MEGF11: variants seen among roughly 807,000 people sequenced by gnomAD.
The protein encoded by MEGF11 is multiple EGF like domains 11.
Under a neutral mutation model 146.6 loss-of-function variants are expected in MEGF11, and 126 were observed. The observed-to-expected ratio is 0.86, with a 90% confidence interval of 0.74 to 1.00. The LOEUF is 1.00. Ranked by LOEUF, MEGF11 falls within the 50% of genes least tolerant of loss-of-function variation. The pLI is 0.00. For missense variants in MEGF11, 1,509 were observed against 1,521.2 expected, an observed-to-expected ratio of 0.99 and a Z score of 0.13; for synonymous variants, 532 against 583.4, an observed-to-expected ratio of 0.91 and a Z score of 1.27.
At chr15:66,017,234 A>G (rs781217251) in intron 5 of MEGF11, among the ~76,000 whole-genome samples, 4 of 152,234 alleles carry the variant, frequency 2.6e-5, no homozygotes, top group African/African-American at 4.8e-5. Flanking sequence ...AGAGATGGTC[A>G]GGATGACAGG....
chr15:66,057,104 A>T (rs886299462), intron 5 of MEGF11, among the ~76,000 whole-genome samples: 1 of 152,202 alleles, frequency 6.6e-6, no homozygotes, highest in Admixed American at 6.5e-5. Flanking sequence ...CCTTCATGGG[A>T]GAGAACATCA....
chr15:66,180,377 C>G (rs940491487), intron 1 of MEGF11, among the ~76,000 whole-genome samples: 1 of 152,188 alleles, frequency 6.6e-6, no homozygotes, highest in African/African-American at 2.4e-5. Context: ...CTCCACGTCC[C>G]TTCTCAGGGA....
At chr15:66,023,151 A>AAAAAAAC (rs768042311) in intron 5 of MEGF11, among the ~76,000 whole-genome samples, 1 of 150,116 alleles carries the variant, frequency 6.7e-6, no homozygotes, top group Non-Finnish European at 1.5e-5. Flanking sequence ...AAAAAAAAAA[A>AAAAAAAC]AAAACAAACT....
intron 4 of MEGF11, among the ~76,000 whole-genome samples, chr15:66,098,813 G>A (rs929976603): frequency 2.6e-5 from 4 of 152,224 alleles, no homozygotes; most frequent in Admixed American, 2.6e-4. Flanking sequence ...AGGTCACACG[G>A]CATGTGTGTA....
At chr15:66,127,945 G>T (rs972676853) in intron 2 of MEGF11, among the ~76,000 whole-genome samples, 1 of 152,222 alleles carries the variant, frequency 6.6e-6, no homozygotes, top group African/African-American at 2.4e-5. Context: ...GCATCAGAGA[G>T]CATGCCACCT....
intron 1 of MEGF11, among the ~76,000 whole-genome samples, chr15:66,172,375 C>T (rs963706128): frequency 3.7e-4 from 56 of 151,946 alleles, no homozygotes; most frequent in African/African-American, 1.3e-3. Context: ...CTGCCTGCTC[C>T]GTGGCCTGGT....
chr15:65,995,417 C>T (rs996072312), intron 5 of MEGF11, among the ~76,000 whole-genome samples: 2 of 152,216 alleles, frequency 1.3e-5, no homozygotes, highest in Non-Finnish European at 2.9e-5. Context: ...ATACTCTGCT[C>T]AATGAGAGGA....
intron 5 of MEGF11, among the ~76,000 whole-genome samples, chr15:66,010,513 A>T (rs2082678669): frequency 6.6e-6 from 1 of 152,130 alleles, no homozygotes; most frequent in South Asian, 2.1e-4. Flanking sequence ...ATGTTTTAAG[A>T]AGGTATATGA....
chr15:65,909,150 G>A lies in MEGF11; in HGVS notation c.2897-15C>T. The A allele has an allele frequency of 6.7e-7, 1 of 1,492,012 alleles. No homozygotes were observed. The highest frequency in any genetic ancestry group is 1.2e-5 in the South Asian group (1 of 83,132). The allele number at this position is 1,492,012 out of a possible 1,614,324, so 92.4% of individuals were successfully genotyped here. On this transcript the variant is annotated splice_polypyrimidine_tract_variant and intron_variant, in intron 22 of 25. Transcript: ENST00000395614. ...GAAATGGGAGTCTAGTGAGAGGAAT[G>A]ACAGGGAGGAGCCATTATTCCCAGG...
intron 4 of MEGF11, among the ~76,000 whole-genome samples, chr15:66,118,690 T>C (rs904925813): frequency 6.6e-6 from 1 of 152,150 alleles, no homozygotes; most frequent in Admixed American, 6.5e-5. Flanking sequence ...TCCATCTACA[T>C]ACCCATCCAT....
At chr15:65,942,705 G>A (rs555457178) in intron 10 of MEGF11, among the ~76,000 whole-genome samples, 2 of 152,202 alleles carry the variant, frequency 1.3e-5, no homozygotes, top group African/African-American at 4.8e-5. Flanking sequence ...CCCTGGCGCT[G>A]AGCCCTGTCC....
At chr15:65,956,762 C>T (rs554915963) in intron 10 of MEGF11, among the ~76,000 whole-genome samples, 18 of 152,304 alleles carry the variant, frequency 1.2e-4, no homozygotes, top group African/African-American at 4.3e-4. Flanking sequence ...TGTAAACAAA[C>T]ATAGGGAAGA....
chr15:66,118,937 A>C, intron 4 of MEGF11, 149 bp downstream of exon 4: 1 of 614,320 alleles, frequency 1.6e-6, no homozygotes, highest in Non-Finnish European at 2.9e-6. Flanking sequence ...CCTTCTGAGC[A>C]CTGGCAGCAG....
At chr15:65,987,071 C>T (rs904351947) in intron 5 of MEGF11, among the ~76,000 whole-genome samples, 4 of 152,148 alleles carry the variant, frequency 2.6e-5, no homozygotes, top group Admixed American at 2.6e-4. Context: ...CTGACTGCTT[C>T]AGACTTTGGG....
intron 5 of MEGF11, among the ~76,000 whole-genome samples, chr15:66,026,229 G>C (rs946819792): frequency 5.3e-5 from 8 of 152,222 alleles, no homozygotes; most frequent in Non-Finnish European, 1.0e-4. Context: ...GGGAGGTCTT[G>C]TTAAAATGCA....
At chr15:65,931,044 C>T in intron 10 of MEGF11, 101 bp from the exon 11 acceptor site, 3 of 1,329,392 alleles carry the variant, frequency 2.3e-6, no homozygotes, top group Non-Finnish European at 3.0e-6. Flanking sequence ...ATGTCCATGT[C>T]CTAATCCCTG....
chr15:66,100,383 G>A (rs1337974385), intron 4 of MEGF11, among the ~76,000 whole-genome samples: 1 of 152,178 alleles, frequency 6.6e-6, no homozygotes, highest in Non-Finnish European at 1.5e-5. Flanking sequence ...CCCATAGAGA[G>A]CTGTCCAAAG....
chr15:66,239,026 C>T (rs8039508), intron 1 of MEGF11, among the ~76,000 whole-genome samples: 65,469 of 152,108 alleles, frequency 0.43, 14,232 homozygotes, highest in Middle Eastern at 0.5. Flanking sequence ...TAAACATTGA[C>T]TGAATGAGTA....
intron 1 of MEGF11, among the ~76,000 whole-genome samples, chr15:66,152,502 C>T (rs1189882962): frequency 6.6e-6 from 1 of 152,164 alleles, no homozygotes; most frequent in African/African-American, 2.4e-5. Context: ...ATAGGCTGAC[C>T]CTTGATATCT....
Sources: gnomAD v4.1 joint callset for allele counts (sites outside exome capture counted in the v4.1 genomes callset) on GRCh38, gnomAD v4.1.1 for gene constraint, MANE v1.5 for transcripts, NCBI Gene and HGNC (gene_info 2026-07-23, HGNC 2026-07-21) for gene names.